Variants in FSTL5 observed in about 807,000 individuals in gnomAD.
FSTL5 encodes the protein follistatin-related protein 5.
Under a neutral mutation model 89.1 loss-of-function variants are expected in FSTL5, and 62 were observed. The observed-to-expected ratio is 0.70, with a 90% CI of 0.57 to 0.86. FSTL5 has a LOEUF of 0.86. Among genes scored for constraint, FSTL5 ranks in the 40% least tolerant of loss-of-function variants. The pLI, the probability that FSTL5 is intolerant of heterozygous loss-of-function variation, is 0.00. For missense variants in FSTL5, 1,057 were observed against 1,001.6 expected (o/e 1.06, Z -0.75); for synonymous variants, 383 against 346.2 (o/e 1.11, Z -1.18).
chr4:161,560,842 A>C (rs767906742), intron 8 of FSTL5, among the ~76,000 whole-genome samples: 2 of 151,948 alleles, frequency 1.3e-5, no homozygotes, highest in Non-Finnish European at 1.5e-5. Context: ...AGGCTGTTTT[A>C]CCGTTAACAT....
chr4:161,544,980 G>A (rs544584729), intron 8 of FSTL5, among the ~76,000 whole-genome samples: 9 of 151,984 alleles, frequency 5.9e-5, no homozygotes, highest in South Asian at 4.1e-4. Flanking sequence ...ATGAGATGTC[G>A]TAAATACAAC....
intron 15 of FSTL5, among the ~76,000 whole-genome samples, chr4:161,448,510 C>T (rs11939102): frequency 0.033 from 5,038 of 152,190 alleles, 258 homozygotes; most frequent in African/African-American, 0.11. Flanking sequence ...TATACTTTCA[C>T]TTTCACAGAA....
chr4:161,665,972 A>T (rs548869486), intron 6 of FSTL5, among the ~76,000 whole-genome samples: 1 of 152,134 alleles, frequency 6.6e-6, no homozygotes, highest in Non-Finnish European at 1.5e-5. Flanking sequence ...AATATAAAAT[A>T]ATATTTCCAT....
intron 15 of FSTL5, among the ~76,000 whole-genome samples, chr4:161,389,224 G>A (rs1201876767): frequency 6.6e-6 from 1 of 152,118 alleles, no homozygotes; most frequent in Non-Finnish European, 1.5e-5. Context: ...ATCCTGCACA[G>A]TATTAGGCCT....
At chr4:161,468,322 T>C (rs1433843023) in intron 13 of FSTL5, among the ~76,000 whole-genome samples, 15 of 151,740 alleles carry the variant, frequency 9.9e-5, no homozygotes, top group Non-Finnish European at 1.5e-5. Flanking sequence ...AGGGCAGCTA[T>C]AGAAAGTGAG....
At chr4:161,745,679 T>A (rs1740175342) in intron 6 of FSTL5, among the ~76,000 whole-genome samples, 1 of 151,744 alleles carries the variant, frequency 6.6e-6, no homozygotes, top group African/African-American at 2.4e-5. Flanking sequence ...AAAAAAAAAA[T>A]CACTCATTGT....
chr4:162,019,230 A>C (rs1737000719), intron 3 of FSTL5, among the ~76,000 whole-genome samples: 1 of 152,080 alleles, frequency 6.6e-6, no homozygotes. Context: ...AATTTGCACT[A>C]ATCACGATAT....
chr4:162,051,311 T>C (rs1361253302), intron 2 of FSTL5, among the ~76,000 whole-genome samples: 1 of 151,502 alleles, frequency 6.6e-6, no homozygotes, highest in South Asian at 2.1e-4. Context: ...AAGTTAATTA[T>C]ATAAATTAAA....
intron 4 of FSTL5, among the ~76,000 whole-genome samples, chr4:161,891,474 A>G (rs1179580666): frequency 6.6e-6 from 1 of 152,128 alleles, no homozygotes; most frequent in Non-Finnish European, 1.5e-5. Flanking sequence ...CTGGTTTCAA[A>G]TATATATTTC....
intron 12 of FSTL5, among the ~76,000 whole-genome samples, chr4:161,492,963 T>A (rs1729935701): frequency 6.6e-6 from 1 of 151,948 alleles, no homozygotes; most frequent in Non-Finnish European, 1.5e-5. Context: ...TAGTATGTTG[T>A]CCTTCCCTCA....
chr4:161,547,684 T>C (rs1054664620), intron 8 of FSTL5, among the ~76,000 whole-genome samples: 2 of 151,944 alleles, frequency 1.3e-5, no homozygotes, highest in African/African-American at 4.8e-5. Flanking sequence ...AGTAAAATTG[T>C]ATGATCTTTT....
intron 3 of FSTL5, among the ~76,000 whole-genome samples, chr4:162,004,471 T>C (rs1736555302): frequency 6.6e-6 from 1 of 152,152 alleles, no homozygotes; most frequent in African/African-American, 2.4e-5. Context: ...AATGATCCAG[T>C]CACATGCGTC....
chr4:161,532,193 C>T (rs539250835), intron 10 of FSTL5, among the ~76,000 whole-genome samples: 1 of 149,980 alleles, frequency 6.7e-6, no homozygotes, highest in Admixed American at 6.6e-5. Context: ...GAGCAAGACT[C>T]CATCTCCAAA....
chr4:161,996,159 A>C (rs1054704412), intron 3 of FSTL5, among the ~76,000 whole-genome samples: 1 of 152,216 alleles, frequency 6.6e-6, no homozygotes, highest in African/African-American at 2.4e-5. Context: ...TTCTACAACA[A>C]GAACTGAAAT....
intron 3 of FSTL5, among the ~76,000 whole-genome samples, chr4:162,001,919 A>C (rs1009118931): frequency 2.6e-5 from 4 of 152,150 alleles, no homozygotes; most frequent in Non-Finnish European, 4.4e-5. Flanking sequence ...GATGGTTCAA[A>C]GAGTTATACA....
rs777245575 is a variant in FSTL5 at position 161,461,304 on chromosome 4, AC to A, written c.1609-1986del. ...CTAAAAATACAAAAAAAACAAACAA[AC>A]AAAAAAATTAGCCAGGAGCTGTGGC... is the stretch of plus-strand genomic sequence containing the variant. On this transcript the variant is annotated intron_variant, in intron 13 of 15. Coordinates refer to ENST00000306100, the MANE Select transcript of FSTL5 (RefSeq NM_020116.5). 1.1e-3 allele frequency among the ~76,000 whole-genome samples: 164 copies of A among 144,514 alleles called. 11 individuals carry two copies. Among genetic ancestry groups the A allele is most frequent in the African/African-American group, 3.9e-3 (152 of 38,934 alleles). The allele number at this position is 144,514 out of a possible 152,430, so 94.8% of individuals were successfully genotyped here.
intron 6 of FSTL5, among the ~76,000 whole-genome samples, chr4:161,734,547 G>A (rs1303733289): frequency 1.3e-5 from 2 of 152,034 alleles, no homozygotes; most frequent in Non-Finnish European, 2.9e-5. Flanking sequence ...CAAAATTTTT[G>A]CAATCTCTGA....
chr4:162,096,180 ATCC>A (rs1223602275), intron 2 of FSTL5, among the ~76,000 whole-genome samples: 1 of 151,910 alleles, frequency 6.6e-6, no homozygotes, highest in Non-Finnish European at 1.5e-5. Flanking sequence ...TTTTTGAATC[ATCC>A]TCAATTTTTA....
intron 6 of FSTL5, among the ~76,000 whole-genome samples, chr4:161,725,215 T>G (rs1739356689): frequency 6.6e-6 from 1 of 151,994 alleles, no homozygotes; most frequent in South Asian, 2.1e-4. Context: ...CTCTGAAAAT[T>G]TACTTAAGTG....
Sources: gnomAD v4.1 joint callset for allele counts (sites outside exome capture counted in the v4.1 genomes callset) on GRCh38, gnomAD v4.1.1 for gene constraint, MANE v1.5 for transcripts, NCBI Gene and HGNC (gene_info 2026-07-23, HGNC 2026-07-21) for gene names.